The following MITF variants were observed in gnomAD, a reference collection of about 807,000 sequenced individuals.
The protein encoded by MITF is melanocyte inducing transcription factor.
Under a neutral mutation model 60.5 loss-of-function variants are expected in MITF, and 17 were observed. The ratio of observed to expected loss-of-function variants is 0.28; its 90% confidence interval spans 0.19 to 0.42. MITF has a LOEUF of 0.42. Ranked by LOEUF, MITF falls within the 10% of genes least tolerant of loss-of-function variation. The probability of loss-of-function intolerance (pLI) is 1.00; values close to 1 mark genes in which losing one functional copy is unlikely to be tolerated. For synonymous variants in MITF, 260 were observed against 248.5 expected, an observed-to-expected ratio of 1.05 and a Z score of -0.43; for missense variants, 622 against 683.5, an observed-to-expected ratio of 0.91 and a Z score of 1.00.
Position 69,950,476 on chromosome 3 carries a change from A to G in MITF, c.880+1308A>G, listed in dbSNP as rs1345894272. 1.5e-4 allele frequency among the ~76,000 whole-genome samples: 21 copies of G among 135,784 alleles called. No homozygotes were observed. In the South Asian group the frequency reaches 5.2e-3, roughly 34 times the overall value. The allele number at this position is 135,784 out of a possible 152,430, so 89.1% of individuals were successfully genotyped here. A position where few individuals can be genotyped will look rare whatever the true frequency, so the allele number is the denominator to read the frequency against. Reference sequence around the variant, plus strand: ...TATATATATATATATATATATATATATGCACACACATACACACACACACAT... The same window carrying G: ...TATATATATATATATATATATATATGTGCACACACATACACACACACACAT... On this transcript the variant is annotated intron_variant, in intron 6 of 9. Coordinates refer to ENST00000352241, the MANE Select transcript of MITF (RefSeq NM_001354604.2).
intron 1 of MITF, among the ~76,000 whole-genome samples, chr3:69,805,060 T>A (rs1283495792): frequency 6.6e-6 from 1 of 152,228 alleles, no homozygotes; most frequent in East Asian, 1.9e-4. Flanking sequence ...ACTCTTCATG[T>A]TCATTCTATT....
chr3:69,928,117 G>T lies in MITF; in HGVS notation c.355-9705G>T, dbSNP rs144557323. Reference sequence around the variant, plus strand: ...CCTTATTGACAAAAATGGGCGGCATGCCCCAGGCAGTAGTCCACCTACTTC... The same window carrying T: ...CCTTATTGACAAAAATGGGCGGCATTCCCCAGGCAGTAGTCCACCTACTTC... On this transcript the variant is annotated intron_variant, in intron 2 of 9. Transcript: ENST00000352241. Among the ~76,000 whole-genome samples, 461 of 152,264 alleles carry T rather than the reference G, an allele frequency of 3.0e-3. 12 individuals carry two copies. The highest frequency in any genetic ancestry group is 0.026 in the Admixed American group (399 of 15,288).
chr3:69,802,709 T>A (rs1226334583), intron 1 of MITF, among the ~76,000 whole-genome samples: 6 of 94,862 alleles, frequency 6.3e-5, no homozygotes, highest in South Asian at 6.7e-4. Flanking sequence ...TTTTTTTTTT[T>A]AGAGGATGTT....
At chr3:69,806,219 G>T (rs1483747070) in intron 1 of MITF, among the ~76,000 whole-genome samples, 1 of 151,744 alleles carries the variant, frequency 6.6e-6, no homozygotes, top group Non-Finnish European at 1.5e-5. Context: ...TGAGTAGCTG[G>T]GATTACAGGT....
At chr3:69,752,203 A>C (rs879705042) in intron 1 of MITF, 1 of 152,230 alleles carries the variant, frequency 6.6e-6, no homozygotes, top group African/African-American at 2.4e-5. Flanking sequence ...AATGTGGACT[A>C]ATACAGAAAA....
Position 69,949,258 on chromosome 3 carries a change from A to G in MITF, c.880+90A>G, listed in dbSNP as rs1273268887. ...ATTGATATAGTGATGTGCAAACTAT[A>G]TCCAACTCATGGACGTAACTTTTAT... On this transcript the variant is annotated intron_variant, in intron 6 of 9. Transcript: ENST00000352241. The G allele has an allele frequency of 6.2e-6, 6 of 962,574 alleles. No individual in the cohort carries two copies. The East Asian group carries it at 1.4e-4, about 23-fold the overall frequency. The allele number at this position is 962,574 out of a possible 1,614,324, so 59.6% of individuals were successfully genotyped here.
intron 4 of MITF, 92 bp downstream of exon 4, chr3:69,939,273 T>C (rs1203109036): frequency 1.7e-6 from 2 of 1,189,212 alleles, no homozygotes; most frequent in African/African-American, 3.1e-5. Context: ...CTTAAGCATT[T>C]TTTTCCCCCA....
intron 1 of MITF, among the ~76,000 whole-genome samples, chr3:69,791,819 A>T (rs1386989819): frequency 6.6e-6 from 1 of 152,330 alleles, no homozygotes; most frequent in Middle Eastern, 3.4e-3. Context: ...CATTATTAGA[A>T]CTGCCTATAT....
At chr3:69,866,799 A>G (rs893089372) in intron 1 of MITF, among the ~76,000 whole-genome samples, 1 of 151,290 alleles carries the variant, frequency 6.6e-6, no homozygotes, top group Admixed American at 6.6e-5. Context: ...TCCCATTGTA[A>G]ACACTGTGAA....
At chr3:69,872,452 C>T (rs188366869) in intron 1 of MITF, among the ~76,000 whole-genome samples, 2 of 152,212 alleles carry the variant, frequency 1.3e-5, no homozygotes, top group East Asian at 3.9e-4. Flanking sequence ...AAAACCTTCT[C>T]AACACATTTT....
At chr3:69,747,075 A>G (rs1238844862) in intron 1 of MITF, among the ~76,000 whole-genome samples, 3 of 152,150 alleles carry the variant, frequency 2.0e-5, no homozygotes, top group African/African-American at 7.2e-5. Context: ...TGAAGCTTTT[A>G]TCTTTAATGG....
chr3:69,870,440 A>ATATTT (rs1435617160), intron 1 of MITF, among the ~76,000 whole-genome samples: 31 of 135,252 alleles, frequency 2.3e-4, no homozygotes, highest in African/African-American at 8.0e-4. Context: ...ATATATATAT[A>ATATTT]TTTTTTTTTT....
intron 2 of MITF, among the ~76,000 whole-genome samples, chr3:69,898,361 G>A (rs1024853361): frequency 6.6e-6 from 1 of 152,226 alleles, no homozygotes; most frequent in African/African-American, 2.4e-5. Flanking sequence ...ACAGCAAAGG[G>A]GATCATGGTA....
At chr3:69,779,471 G>C (rs2106869334) in intron 1 of MITF, among the ~76,000 whole-genome samples, 1 of 152,258 alleles carries the variant, frequency 6.6e-6, no homozygotes, top group East Asian at 1.9e-4. Context: ...AAGATTTACA[G>C]GATAATGGAG....
At chr3:69,941,416 G>A (rs1348100138) in intron 5 of MITF, 85 bp downstream of exon 5, 3 of 806,572 alleles carry the variant, frequency 3.7e-6, no homozygotes, top group Non-Finnish European at 6.2e-6. Context: ...TTTTATCTTT[G>A]TAACTGGTTC....
chr3:69,778,817 G>C (rs1400399426), intron 1 of MITF: 3 of 151,460 alleles, frequency 2.0e-5, no homozygotes, highest in Non-Finnish European at 4.4e-5. Flanking sequence ...TTTTCTCTCA[G>C]ATTTATTCCA....
At chr3:69,858,630 C>A (rs1488719222) in intron 1 of MITF, among the ~76,000 whole-genome samples, 2 of 152,084 alleles carry the variant, frequency 1.3e-5, no homozygotes, top group African/African-American at 4.8e-5. Context: ...CTAAGACAAC[C>A]ACTGAAAAGA....
chr3:69,895,964 C>T (rs1000091753), intron 2 of MITF, among the ~76,000 whole-genome samples: 3 of 151,856 alleles, frequency 2.0e-5, no homozygotes, highest in African/African-American at 4.8e-5. Flanking sequence ...ACCCCCCTTC[C>T]CCTATTTACC....
At chr3:69,840,457 G>A (rs2063615367) in intron 1 of MITF, among the ~76,000 whole-genome samples, 1 of 152,146 alleles carries the variant, frequency 6.6e-6, no homozygotes, top group Non-Finnish European at 1.5e-5. Context: ...TCCTTTCAAT[G>A]AGAGAAAGGG....
Sources: allele counts gnomAD v4.1 joint callset (sites outside exome capture counted in the v4.1 genomes callset), GRCh38; gene constraint gnomAD v4.1.1; transcripts MANE v1.5; gene names NCBI Gene and HGNC (gene_info 2026-07-23, HGNC 2026-07-21).